Variants in PPP2R3B observed in about 807,000 individuals in gnomAD.
PPP2R3B encodes the protein serine/threonine-protein phosphatase 2A regulatory subunit B'' subunit beta.
In PPP2R3B, 68 loss-of-function variants were observed where a neutral mutation model predicts 72.9. The observed-to-expected ratio is 0.93, with a 90% confidence interval of 0.77 to 1.14. PPP2R3B has a LOEUF of 1.14. Among genes scored for constraint, PPP2R3B ranks in the 50% most tolerant of loss-of-function variants. The pLI is 0.00. For synonymous variants in PPP2R3B, 466 were observed against 375.8 expected (o/e 1.24, Z -2.78); for missense variants, 1,018 against 842.0 (o/e 1.21, Z -2.59).
At chrX:341,011 A>G (rs2071054051) in intron 9 of PPP2R3B, 71 bp from the exon 10 acceptor site, 11 of 1,558,724 alleles carry the variant, frequency 7.1e-6, no homozygotes, top group Non-Finnish European at 9.5e-6. Context: ...CCCCTGAGGC[A>G]GCCCCCACCG....
chrX:367,683 T>G (rs2071751780), intron 1 of PPP2R3B, among the ~76,000 whole-genome samples: 1 of 152,148 alleles, frequency 6.6e-6, no homozygotes, highest in Admixed American at 6.5e-5. Context: ...ACGGTCACAG[T>G]CCATCACACG....
intron 1 of PPP2R3B, among the ~76,000 whole-genome samples, chrX:377,768 G>A (rs1340142245): frequency 7.0e-6 from 1 of 141,936 alleles, no homozygotes; most frequent in Admixed American, 6.9e-5. Context: ...ATACACTACT[G>A]TGTACAGGGA....
intron 2 of PPP2R3B, among the ~76,000 whole-genome samples, chrX:348,241 A>C (rs1324919017): frequency 1.3e-5 from 2 of 151,952 alleles, no homozygotes; most frequent in Non-Finnish European, 2.9e-5. Context: ...AAAATCAACA[A>C]AATCAAAACT....
At chrX:347,958 G>A in intron 2 of PPP2R3B, 2 of 428,482 alleles carry the variant, frequency 4.7e-6, no homozygotes, top group African/African-American at 2.1e-5. Context: ...ACCAGAGGCG[G>A]CTGCATCCCC....
Position 348,338 on chromosome X carries a change from G to C in PPP2R3B, c.511-645C>G, listed in dbSNP as rs375824568. ...TGCCTGTAATCCCAGCACTTTAGGA[G>C]GCCGAGGGGGGTGGATCACCTGAGG... On this transcript the variant is annotated intron_variant, in intron 2 of 12. Transcript: ENST00000390665. 7.2e-5 allele frequency among the ~76,000 whole-genome samples: 11 copies of C among 152,144 alleles called. No homozygotes were observed. The East Asian group carries it at 1.9e-3, about 27-fold the overall frequency.
In PPP2R3B at chrX:341,312, CG is replaced by C; in HGVS notation, c.1169del (p.Pro390ArgfsTer69). 6.2e-7 allele frequency: 1 copy of C among 1,612,490 alleles called. No individual in the cohort carries two copies. The highest frequency in any genetic ancestry group is 8.5e-7 in the Non-Finnish European group (1 of 1,179,706). On this transcript the variant is annotated frameshift_variant, in exon 9 of 13. Coordinates refer to ENST00000390665, the MANE Select transcript of PPP2R3B (RefSeq NM_013239.5). LOFTEE classifies it high-confidence loss of function. ...FLISEEDKKT[P>X]TSIEYWFRCM... Reference sequence around the variant, plus strand: ...ATGCCGCAGCAGGAACCCACCTGGTCGGTGTTTTTTTGTCTTCCTCAGAGAT... The same window carrying C: ...ATGCCGCAGCAGGAACCCACCTGGTCGTGTTTTTTTGTCTTCCTCAGAGAT...
At chrX:335,159 C>G (rs1292332333) in intron 12 of PPP2R3B, 1 of 152,306 alleles carries the variant, frequency 6.6e-6, no homozygotes, top group East Asian at 1.9e-4. Flanking sequence ...ACTGCCGGAG[C>G]AGGCGTGGAC....
At chrX:358,300 CG>C (rs1257737771) in intron 2 of PPP2R3B, among the ~76,000 whole-genome samples, 1 of 152,132 alleles carries the variant, frequency 6.6e-6, no homozygotes, top group Non-Finnish European at 1.5e-5. Flanking sequence ...CCCACACACG[CG>C]GGACGCTCAC....
At chrX:338,281 G>C (rs1297092114) in intron 12 of PPP2R3B, 5 of 493,530 alleles carry the variant, frequency 1.0e-5, no homozygotes, top group Non-Finnish European at 1.9e-5. Context: ...TGCCAGCCGT[G>C]GGATAAGGAC....
At chrX:370,596 G>A (rs1448230792) in intron 1 of PPP2R3B, among the ~76,000 whole-genome samples, 3 of 152,294 alleles carry the variant, frequency 2.0e-5, no homozygotes, top group East Asian at 1.9e-4. Flanking sequence ...CTGTGTGGAC[G>A]TTCCCACCCG....
chrX:339,318 T>G (rs1320252502), intron 10 of PPP2R3B, among the ~76,000 whole-genome samples: 1 of 131,472 alleles, frequency 7.6e-6, no homozygotes, highest in African/African-American at 2.9e-5. Context: ...CAGAGCCATT[T>G]CCAAAGTGAA....
Position 347,043 on chromosome X carries a change from G to A in PPP2R3B, c.717+191C>T, listed in dbSNP as rs748536094. ...GCGATGAGGTGTGCGGTGTAGACGC[G>A]GACCCTCCCATGAGGGATGAGGCAT... On this transcript the variant is annotated intron_variant, in intron 4 of 12. Coordinates refer to ENST00000390665, the MANE Select transcript of PPP2R3B (RefSeq NM_013239.5). Among the ~76,000 whole-genome samples, 406 of 140,816 alleles carry A rather than the reference G, an allele frequency of 2.9e-3. 1 individual carries two copies. Among genetic ancestry groups the A allele is most frequent in the African/African-American group, 0.011 (384 of 36,268 alleles). The allele number at this position is 140,816 out of a possible 152,430, so 92.4% of individuals were successfully genotyped here. A position where few individuals can be genotyped will look rare whatever the true frequency, so the allele number is the denominator to read the frequency against.
At position 386,438 on chromosome X, in the gene PPP2R3B, A is replaced by C; in HGVS notation, c.254T>G (p.Leu85Arg). ...GTTCCTGGGGCTGGAGGCGGCGCCCAGGGGCAGCGCAGGGCCCGGCCCGGG... is the reference window on the plus strand; with the variant it reads ...GTTCCTGGGGCTGGAGGCGGCGCCCCGGGGCAGCGCAGGGCCCGGCCCGGG... ...GTPGPGPALP[L>R]GAASSPRNAP... The change falls in exon 1 of 13, where the codon CTG (leucine) becomes CGG (arginine). Residue 85 changes from leucine (L) to arginine (R), a missense_variant. Physicochemically the swap from Leu to Arg is moderately radical, Grantham distance 102. Transcript: ENST00000390665. 7.6e-7 allele frequency: 1 copy of C among 1,316,878 alleles called. No homozygotes were observed. The highest frequency in any genetic ancestry group is 1.5e-5 in the African/African-American group (1 of 66,212). 81.6% of individuals were successfully genotyped at this position (1,316,878 alleles called of 1,614,324 possible). A position where few individuals can be genotyped will look rare whatever the true frequency, so the allele number is the denominator to read the frequency against.
Position 341,360 on chromosome X carries a change from A to G in PPP2R3B, c.1122T>C (p.Tyr374=), listed in dbSNP as rs1330242528. The G allele has an allele frequency of 1.2e-6, 2 of 1,612,724 alleles. No individual in the cohort carries two copies. The highest frequency in any genetic ancestry group is 2.2e-5 in the East Asian group (1 of 44,870). ...AGATCAAAAACCAGACAAAGTCGGC[A>G]TAGCTGATCTTCCCTTCCTTCTGCA... The part of the protein sequence containing the change: ...RKVQKEGKIS[Y]ADFVWFLISE... The change falls in exon 9 of 13, where the codon TAT becomes TAC. Residue 374 remains tyrosine, a synonymous_variant. Coordinates refer to ENST00000390665, the MANE Select transcript of PPP2R3B (RefSeq NM_013239.5).
chrX:386,834 G>C lies in PPP2R3B; in HGVS notation c.-143C>G, dbSNP rs1440297252. On this transcript the variant is annotated 5_prime_UTR_variant, in exon 1 of 13. Transcript: ENST00000390665. ...GCAGGGAACAGGGCCCGCGCCTCGG[G>C]AACTGCGCGGACTCGCGGGGCGCGG... The C allele has an allele frequency of 8.9e-6, 3 of 338,646 alleles. No individual in the cohort carries two copies. Among genetic ancestry groups the C allele is most frequent in the Non-Finnish European group, 1.4e-5 (3 of 215,910 alleles). 21.0% of individuals were successfully genotyped at this position (338,646 alleles called of 1,614,324 possible).
At chrX:352,713 G>T (rs773937385) in intron 2 of PPP2R3B, among the ~76,000 whole-genome samples, 1 of 151,864 alleles carries the variant, frequency 6.6e-6, no homozygotes, top group Non-Finnish European at 1.5e-5. Context: ...GTCTACAGTC[G>T]CACAGGGCAC....
At chrX:371,282 TGA>T (rs2071856904) in intron 1 of PPP2R3B, among the ~76,000 whole-genome samples, 1 of 150,628 alleles carries the variant, frequency 6.6e-6, no homozygotes, top group South Asian at 2.1e-4. Flanking sequence ...GGACCCACGG[TGA>T]GAGTACGTGT....
In PPP2R3B at chrX:366,448, G is replaced by A. The variant is rs1195429959; in HGVS notation, c.325-4858C>T. ...CTCGAGAGGCTGAGGCAGGAGAATC[G>A]CTTCAACACAGGAGGCGGAGGGTGC... On this transcript the variant is annotated intron_variant, in intron 1 of 12. Coordinates refer to ENST00000390665, the MANE Select transcript of PPP2R3B (RefSeq NM_013239.5). 4.7e-4 allele frequency among the ~76,000 whole-genome samples: 3 copies of A among 6,340 alleles called. 1 individual carries two copies. The highest frequency in any genetic ancestry group is 4.8e-4 in the Non-Finnish European group (2 of 4,204). 4.2% of individuals were successfully genotyped at this position (6,340 alleles called of 152,430 possible).
At chrX:363,749 C>G (rs189922827) in intron 1 of PPP2R3B, among the ~76,000 whole-genome samples, 147 of 150,308 alleles carry the variant, frequency 9.8e-4, no homozygotes, top group Non-Finnish European at 1.8e-3. Context: ...GCCTTCCCGT[C>G]TCTCGCTGTG....
Sources: allele counts gnomAD v4.1 joint callset (sites outside exome capture counted in the v4.1 genomes callset), GRCh38; gene constraint gnomAD v4.1.1; transcripts MANE v1.5; gene names NCBI Gene and HGNC (gene_info 2026-07-23, HGNC 2026-07-21).